Variants in MAP7D2 observed in about 807,000 individuals in gnomAD.
The protein encoded by MAP7D2 is MAP7 domain containing 2.
Under a neutral mutation model 63.5 loss-of-function variants are expected in MAP7D2, and 33 were observed. That is an observed-to-expected ratio of 0.52 (90% CI 0.39 to 0.70). The LOEUF (loss-of-function observed/expected upper bound fraction) is 0.70, where lower values mean the gene tolerates loss of function less well. Ranked by LOEUF, MAP7D2 falls within the 30% of genes least tolerant of loss-of-function variation. The pLI, the probability that MAP7D2 is intolerant of heterozygous loss-of-function variation, is 0.00. For missense variants in MAP7D2, 626 were observed against 604.0 expected (o/e 1.04, Z -0.38); for synonymous variants, 224 against 223.7 (o/e 1.00, Z -0.01).
chrX:20,116,767 G>C lies in MAP7D2; in HGVS notation c.113C>G (p.Pro38Arg), dbSNP rs752780769. Residue 38 changes from proline (P) to arginine (R), a missense_variant, in exon 1 of 17, where the codon CCC becomes CGC. Transcript: ENST00000379643. ...AEPGAVRTSQPNYRPQGMEGF... is the reference protein window; with the variant it reads ...AEPGAVRTSQRNYRPQGMEGF... ...GATAATACCTTGAGGCCGGTAGTTG[G>C]GCTGAGAGGTCCGCACCGCGCCCGG... 12 of 1,185,586 alleles carry C rather than the reference G, an allele frequency of 1.0e-5. No individual in the cohort carries two copies. The African/African-American group carries it at 2.2e-4, about 21-fold the overall frequency.
At chrX:20,012,991 C>A (rs985462257) in intron 14 of MAP7D2, 63 bp downstream of exon 14, 4 of 983,617 alleles carry the variant, frequency 4.1e-6, no homozygotes, top group Non-Finnish European at 5.8e-6. Context: ...GTTTACCCTA[C>A]ACCAAGTCTT....
At chrX:20,029,636 G>C (rs1338802491) in intron 8 of MAP7D2, among the ~76,000 whole-genome samples, 1 of 111,554 alleles carries the variant, frequency 9.0e-6, no homozygotes, top group East Asian at 2.8e-4. Context: ...GAGAAGTAAG[G>C]GTGGATTCTT....
At position 20,063,524 on chromosome X, in the gene MAP7D2, C is replaced by T. The variant is rs200525787; in HGVS notation, c.262G>A (p.Glu88Lys). ...CGCCATCGCTCCTCCATTTGCTTTTCGTACTGCAGCCTGGCTCTTTTCTGT... is the reference window on the plus strand; with the variant it reads ...CGCCATCGCTCCTCCATTTGCTTTTTGTACTGCAGCCTGGCTCTTTTCTGT... ...EKQKRARLQY[E>K]KQMEERWRKL... The change falls in exon 3 of 17, where the codon GAA becomes AAA. Residue 88 changes from glutamate to lysine, a missense_variant. Transcript: ENST00000379643. 3 of 1,210,821 alleles carry T rather than the reference C, an allele frequency of 2.5e-6. No individual in the cohort carries two copies. The highest frequency in any genetic ancestry group is 2.3e-4 in the Middle Eastern group (1 of 4,352).
chrX:20,010,597 G>C (rs1050961564), intron 16 of MAP7D2, among the ~76,000 whole-genome samples, 180 bp downstream of exon 16: 1 of 111,913 alleles, frequency 8.9e-6, no homozygotes, highest in African/African-American at 3.2e-5. Context: ...CTGAAGGCTC[G>C]CAGATGAATT....
intron 1 of MAP7D2, among the ~76,000 whole-genome samples, chrX:20,090,518 T>C (rs1303494060): frequency 9.0e-6 from 1 of 111,251 alleles, no homozygotes; most frequent in South Asian, 3.7e-4. Context: ...CAAAAAAAAT[T>C]TAAATCCCAC....
chrX:20,085,832 C>T (rs1449269648), intron 1 of MAP7D2, among the ~76,000 whole-genome samples: 1 of 111,991 alleles, frequency 8.9e-6, no homozygotes, highest in African/African-American at 3.2e-5. Flanking sequence ...CTGCCTCAGC[C>T]TCCCAAGTAG....
At chrX:20,073,855 G>A (rs1461855739) in intron 1 of MAP7D2, among the ~76,000 whole-genome samples, 15 of 99,748 alleles carry the variant, frequency 1.5e-4, no homozygotes, top group Non-Finnish European at 1.8e-4. Context: ...ATAACCCACC[G>A]GCCGGGCGCG....
chrX:20,037,639 G>C (rs1238914771), intron 8 of MAP7D2, among the ~76,000 whole-genome samples: 1 of 112,181 alleles, frequency 8.9e-6, no homozygotes, highest in Non-Finnish European at 1.9e-5. Context: ...GCTTTACTTG[G>C]AAGGAGAAAT....
chrX:20,083,839 C>T (rs765353901), intron 1 of MAP7D2, among the ~76,000 whole-genome samples: 2 of 111,444 alleles, frequency 1.8e-5, no homozygotes, highest in African/African-American at 6.5e-5. Flanking sequence ...GGAGGTGCTA[C>T]TGGCATCTAG....
chrX:20,013,006 G>A, intron 14 of MAP7D2, 48 bp downstream of exon 14: 1 of 1,069,225 alleles, frequency 9.4e-7, no homozygotes, highest in Non-Finnish European at 1.3e-6. Flanking sequence ...AGTCTTACGA[G>A]CTTTTGCTAC....
chrX:20,043,402 G>A (rs1450489044), intron 7 of MAP7D2, among the ~76,000 whole-genome samples: 11 of 112,322 alleles, frequency 9.8e-5, no homozygotes. Flanking sequence ...TGATCTTAGT[G>A]ACTTACTTAA....
At position 20,054,228 on chromosome X, in the gene MAP7D2, G is replaced by A. The variant is rs745802361; in HGVS notation, c.485-1240C>T. On this transcript the variant is annotated intron_variant, in intron 4 of 16. Coordinates refer to ENST00000379643, the MANE Select transcript of MAP7D2 (RefSeq NM_001168465.2). ...ACTATTTAAAGTTGAAATTATATGA[G>A]TTTTAATACTCTTTTCAATTTTTCC... is the stretch of plus-strand genomic sequence containing the variant. 2.7e-5 allele frequency among the ~76,000 whole-genome samples: 3 copies of A among 112,012 alleles called. No homozygotes were observed. The East Asian group carries it at 8.4e-4, about 31-fold the overall frequency.
rs1376268020 is a variant in MAP7D2 at position 20,064,733 on chromosome X, C to A, written c.203G>T (p.Cys68Phe). The A allele has an allele frequency of 2.5e-6, 3 of 1,210,494 alleles. No individual in the cohort carries two copies. Among genetic ancestry groups the A allele is most frequent in the Middle Eastern group, 2.3e-4 (1 of 4,355 alleles). ...AGCCAAAGTGCATAACTTACCCAGA[C>A]ATTTTTCTCTTTCTTCTCGTCTTTC... ...AKERREEREK[C>F]LAAREQQILE... Residue 68 changes from cysteine (C) to phenylalanine (F), a missense_variant, in exon 2 of 17, where the codon TGT (cysteine) becomes TTT (phenylalanine). Cys to Phe is a radical substitution (Grantham distance 205, BLOSUM62 -2). Coordinates refer to ENST00000379643, the MANE Select transcript of MAP7D2 (RefSeq NM_001168465.2).
intron 8 of MAP7D2, among the ~76,000 whole-genome samples, chrX:20,035,379 T>C (rs1474971922): frequency 8.9e-6 from 1 of 111,899 alleles, no homozygotes; most frequent in Non-Finnish European, 1.9e-5. Flanking sequence ...CTGTTCTCAC[T>C]CATTTGGGGA....
chrX:20,050,943 T>A lies in MAP7D2; in HGVS notation c.599A>T (p.His200Leu). The A allele has an allele frequency of 2.6e-6, 3 of 1,147,118 alleles. No individual in the cohort carries two copies. The highest frequency in any genetic ancestry group is 3.5e-6 in the Non-Finnish European group (3 of 865,409). The allele number at this position is 1,147,118 out of a possible 1,213,427, so 94.5% of individuals were successfully genotyped here. ...VAISYSPDRA[H>L]HMHLSPMEAI... Reference sequence around the variant, plus strand: ...TTCCATTGGACTAAGGTGCATGTGATGAGCTGAGGGATGGAATCAAATGAA... The same window carrying A: ...TTCCATTGGACTAAGGTGCATGTGAAGAGCTGAGGGATGGAATCAAATGAA... Residue 200 changes from histidine (H) to leucine (L), a missense_variant, in exon 6 of 17, where the codon CAT becomes CTT. His to Leu is a moderately conservative substitution (Grantham distance 99). Coordinates refer to ENST00000379643, the MANE Select transcript of MAP7D2 (RefSeq NM_001168465.2).
chrX:20,079,561 G>A (rs962546541), intron 1 of MAP7D2, among the ~76,000 whole-genome samples: 3 of 111,845 alleles, frequency 2.7e-5, no homozygotes, highest in Admixed American at 9.6e-5. Flanking sequence ...CCTCGGCCCT[G>A]AGAGCTTCTT....
intron 5 of MAP7D2, among the ~76,000 whole-genome samples, chrX:20,051,564 A>C (rs765990602): frequency 7.6e-4 from 84 of 110,211 alleles, no homozygotes; most frequent in African/African-American, 2.6e-3. Flanking sequence ...AACAAACAAA[A>C]AAAAAACAAA....
At chrX:20,097,111 T>C (rs1313485911) in intron 1 of MAP7D2, among the ~76,000 whole-genome samples, 1 of 111,921 alleles carries the variant, frequency 8.9e-6, no homozygotes, top group Non-Finnish European at 1.9e-5. Context: ...AGAAGTGTTC[T>C]ATATCTGTGC....
intron 15 of MAP7D2, among the ~76,000 whole-genome samples, chrX:20,011,838 G>T (rs754151646): frequency 2.7e-5 from 3 of 112,482 alleles, no homozygotes; most frequent in South Asian, 7.4e-4. Flanking sequence ...TCATAATTGC[G>T]CCAGCTGTAA....
Sources: gnomAD v4.1 joint callset for allele counts (sites outside exome capture counted in the v4.1 genomes callset) on GRCh38, gnomAD v4.1.1 for gene constraint, MANE v1.5 for transcripts, NCBI Gene and HGNC (gene_info 2026-07-23, HGNC 2026-07-21) for gene names.